Variants in DAB1 observed in about 807,000 individuals in gnomAD.
DAB1 encodes the protein DAB adaptor protein 1.
In DAB1, 15 loss-of-function variants were observed where a neutral mutation model predicts 64.6. The observed-to-expected ratio is 0.23, with a 90% CI of 0.16 to 0.36. The LOEUF (loss-of-function observed/expected upper bound fraction) is 0.36, where lower values mean the gene tolerates loss of function less well. Ranked by LOEUF, DAB1 falls within the 10% of genes least tolerant of loss-of-function variation. DAB1 has a pLI of 1.00. For synonymous variants in DAB1, 235 were observed against 251.9 expected (o/e 0.93, Z 0.64); for missense variants, 596 against 706.7 (o/e 0.84, Z 1.78).
intron 5 of DAB1, among the ~76,000 whole-genome samples, chr1:57,932,844 G>C (rs531253736): frequency 2.0e-5 from 3 of 152,030 alleles, no homozygotes; most frequent in Non-Finnish European, 4.4e-5. Flanking sequence ...TGTAAAATGG[G>C]TTTCTTGTAG....
chr1:58,234,813 G>A (rs12062898), intron 4 of DAB1, among the ~76,000 whole-genome samples: 4,748 of 152,296 alleles, frequency 0.031, 246 homozygotes, highest in African/African-American at 0.11. Flanking sequence ...GGCTTGAGCC[G>A]GAGGAAGTGA....
intron 6 of DAB1, among the ~76,000 whole-genome samples, chr1:57,781,126 C>CTCTCTCTCTCTATATA (rs1557477160): frequency 7.2e-5 from 2 of 27,714 alleles, no homozygotes; most frequent in Non-Finnish European, 1.3e-4. Context: ...CTCTCTCTCT[C>CTCTCTCTCTCTATATA]TATATATATA....
chr1:57,017,755 A>G (rs111435512), intron 11 of DAB1, among the ~76,000 whole-genome samples: 30 of 152,326 alleles, frequency 2.0e-4, no homozygotes, highest in African/African-American at 6.7e-4. Context: ...GAGGCCCTGG[A>G]GCTGAAATTT....
chr1:57,371,997 T>G (rs1000249018), intron 1 of DAB1, among the ~76,000 whole-genome samples: 2 of 152,234 alleles, frequency 1.3e-5, no homozygotes, highest in African/African-American at 4.8e-5. Context: ...TATGTTTGAC[T>G]ATTTTTAAAG....
intron 6 of DAB1, among the ~76,000 whole-genome samples, chr1:57,781,122 CTCTCTATATATATATATA>C (rs1201799913): frequency 9.1e-4 from 40 of 43,876 alleles, no homozygotes; most frequent in East Asian, 3.5e-3. Context: ...CTCTCTCTCT[CTCTCTATATATATATATA>C]TATATATATA....
In DAB1 at chr1:57,894,106, G is replaced by A. The variant is rs147647376; in HGVS notation, n.388-9944C>T. ...CAGGGGAGAAGGGACACCTGTCCCCGGAAGTATGCCAACGTATAAGACCCC... is the reference window on the plus strand; with the variant it reads ...CAGGGGAGAAGGGACACCTGTCCCCAGAAGTATGCCAACGTATAAGACCCC... On this transcript the variant is annotated intron_variant and non_coding_transcript_variant, in intron 5 of 20. Coordinates refer to the DAB1 transcript ENST00000485760. 3.3e-5 allele frequency among the ~76,000 whole-genome samples: 5 copies of A among 152,226 alleles called. No homozygotes were observed. The East Asian group carries it at 5.8e-4, about 18-fold the overall frequency.
intron 5 of DAB1, among the ~76,000 whole-genome samples, chr1:57,909,498 C>T (rs989346015): frequency 6.6e-6 from 1 of 151,794 alleles, no homozygotes; most frequent in Non-Finnish European, 1.5e-5. Context: ...GACCTGACAC[C>T]CCTGAACTTA....
intron 5 of DAB1, among the ~76,000 whole-genome samples, chr1:58,018,036 T>C (rs1646765687): frequency 6.6e-6 from 1 of 152,158 alleles, no homozygotes; most frequent in Admixed American, 6.5e-5. Flanking sequence ...AGCTATAAAG[T>C]AAATAGAATT....
intron 5 of DAB1, among the ~76,000 whole-genome samples, chr1:58,070,206 C>G (rs919290100): frequency 1.3e-5 from 2 of 152,142 alleles, no homozygotes; most frequent in Non-Finnish European, 2.9e-5. Context: ...AGAAAGACAG[C>G]TAAAAATGCT....
intron 6 of DAB1, among the ~76,000 whole-genome samples, chr1:57,810,805 T>A (rs1355966465): frequency 2.6e-5 from 4 of 152,246 alleles, no homozygotes; most frequent in Non-Finnish European, 5.9e-5. Context: ...CTATTGCTGC[T>A]ATAACAAATT....
intron 7 of DAB1, among the ~76,000 whole-genome samples, chr1:57,579,602 T>A (rs1161267605): frequency 6.6e-6 from 1 of 152,166 alleles, no homozygotes; most frequent in Non-Finnish European, 1.5e-5. Flanking sequence ...AGCAGGTTCA[T>A]AGGCTGCCTA....
chr1:58,236,489 A>G (rs927049938), intron 4 of DAB1, among the ~76,000 whole-genome samples: 1 of 152,104 alleles, frequency 6.6e-6, no homozygotes, highest in African/African-American at 2.4e-5. Flanking sequence ...AAAAACAAAA[A>G]CTGAAAGGCA....
At chr1:57,642,709 C>T (rs1186415946) in intron 7 of DAB1, among the ~76,000 whole-genome samples, 1 of 152,180 alleles carries the variant, frequency 6.6e-6, no homozygotes, top group African/African-American at 2.4e-5. Context: ...TAATCCTGTT[C>T]TGTTGCTTCC....
chr1:57,764,830 G>A (rs1649238445), intron 6 of DAB1, among the ~76,000 whole-genome samples: 1 of 151,302 alleles, frequency 6.6e-6, no homozygotes, highest in African/African-American at 2.4e-5. Context: ...TATTCCTGTT[G>A]TAAGAGGCAT....
chr1:57,116,070 T>C (rs182648519), intron 4 of DAB1, among the ~76,000 whole-genome samples: 17 of 152,252 alleles, frequency 1.1e-4, no homozygotes, highest in African/African-American at 4.1e-4. Flanking sequence ...GTGACCTCTG[T>C]GGCTGGGCTT....
intron 1 of DAB1, chr1:57,307,345 T>C (rs1674271690): frequency 6.6e-6 from 1 of 152,238 alleles, no homozygotes; most frequent in South Asian, 2.1e-4. Context: ...CTCTATATTA[T>C]GCTACCTTAA....
chr1:57,204,116 C>T (rs756819336), intron 2 of DAB1, among the ~76,000 whole-genome samples: 19 of 152,260 alleles, frequency 1.2e-4, no homozygotes, highest in Middle Eastern at 3.4e-3. Flanking sequence ...TCTCAAACTC[C>T]TGACCTCAAG....
At chr1:57,756,366 G>A (rs1265147341) in intron 6 of DAB1, among the ~76,000 whole-genome samples, 1 of 152,156 alleles carries the variant, frequency 6.6e-6, no homozygotes, top group Non-Finnish European at 1.5e-5. Context: ...GAAAGGTGTA[G>A]TGCAGTGAAG....
chr1:57,035,786 A>G (rs555242750), intron 9 of DAB1, among the ~76,000 whole-genome samples: 16 of 133,836 alleles, frequency 1.2e-4, no homozygotes, highest in African/African-American at 4.0e-4. Context: ...AATAGTAGCT[A>G]TTATTATCTT....
Sources: gnomAD v4.1 joint callset for allele counts (sites outside exome capture counted in the v4.1 genomes callset) on GRCh38, gnomAD v4.1.1 for gene constraint, MANE v1.5 for transcripts, NCBI Gene and HGNC (gene_info 2026-07-23, HGNC 2026-07-21) for gene names.